MSR1: variants seen among roughly 807,000 people sequenced by gnomAD.
MSR1 encodes macrophage scavenger receptor 1.
MSR1 carries 53 observed loss-of-function variants against 47.2 expected under a neutral mutation model. The ratio of observed to expected loss-of-function variants is 1.12; its 90% CI spans 0.90 to 1.41. The LOEUF (loss-of-function observed/expected upper bound fraction) is 1.41. MSR1 is among the 40% of genes most tolerant of loss of function. The probability of loss-of-function intolerance (pLI) is 0.00; values close to 1 mark genes in which losing one functional copy is unlikely to be tolerated. For missense variants in MSR1, 786 were observed against 546.9 expected (o/e 1.44, Z -4.36); for synonymous variants, 239 against 185.6 (o/e 1.29, Z -2.34).
At chr8:16,177,518 C>T (rs549654309) in intron 2 of MSR1, among the ~76,000 whole-genome samples, 36 of 151,820 alleles carry the variant, frequency 2.4e-4, no homozygotes, top group African/African-American at 7.7e-4. Context: ...GAACTGTGAG[C>T]GAATACATTT....
Position 16,120,424 on chromosome 8 carries a change from C to G in MSR1, c.1216G>C (p.Gly406Arg), listed in dbSNP as rs749784576. ...VQAVHKAAHF[G>R]QGTGPIWLNE... Reference sequence around the variant, plus strand: ...AAGATTTTCTTTAAATTACCTTGTCCAAAGTGAGCTGCCTTGTGCACGGCT... The same window carrying G: ...AAGATTTTCTTTAAATTACCTTGTCGAAAGTGAGCTGCCTTGTGCACGGCT... Residue 406 changes from glycine to arginine, a missense_variant, in exon 9 of 10, where the codon GGA (glycine) becomes CGA (arginine). Gly to Arg is a moderately radical substitution (Grantham distance 125). Transcript: ENST00000262101. The G allele has an allele frequency of 6.2e-7, 1 of 1,613,528 alleles. No individual in the cohort carries two copies. Among genetic ancestry groups the G allele is most frequent in the Non-Finnish European group, 8.5e-7 (1 of 1,179,790 alleles).
chr8:16,107,902 G>A lies in MSR1; in HGVS notation c.*2183C>T, dbSNP rs566910898. On this transcript the variant is annotated 3_prime_UTR_variant, in exon 10 of 10. Transcript: ENST00000262101. Reference sequence around the variant, plus strand: ...ATCGCAAATTTCTGTTTTTTTTAATGGAACAAATGCAATTCAACATTCCAA... The same window carrying A: ...ATCGCAAATTTCTGTTTTTTTTAATAGAACAAATGCAATTCAACATTCCAA... The A allele has an allele frequency of 2.0e-5, 3 of 150,814 alleles. No homozygotes were observed. Among genetic ancestry groups the A allele is most frequent in the Non-Finnish European group, 4.4e-5 (3 of 67,666 alleles). The allele number at this position is 150,814 out of a possible 1,614,324, so 9.3% of individuals were successfully genotyped here. A position where few individuals can be genotyped will look rare whatever the true frequency, so the allele number is the denominator to read the frequency against.
At chr8:16,181,999 G>A (rs764706676) in intron 1 of MSR1, among the ~76,000 whole-genome samples, 35 of 152,104 alleles carry the variant, frequency 2.3e-4, no homozygotes, top group Non-Finnish European at 2.9e-5. Flanking sequence ...TTTCATGGCT[G>A]TGTGAACATC....
intron 8 of MSR1, among the ~76,000 whole-genome samples, chr8:16,138,464 G>A (rs1471471699): frequency 1.3e-5 from 2 of 152,142 alleles, no homozygotes; most frequent in African/African-American, 2.4e-5. Context: ...TTTGAACAGG[G>A]CATTCAGCAT....
intron 8 of MSR1, among the ~76,000 whole-genome samples, chr8:16,127,805 C>A (rs561624363): frequency 7.9e-5 from 12 of 152,226 alleles, no homozygotes; most frequent in African/African-American, 2.9e-4. Flanking sequence ...CCAATAGACT[C>A]TATTTTGTGA....
At chr8:16,179,426 C>G (rs1162683443) in intron 1 of MSR1, among the ~76,000 whole-genome samples, 2 of 152,150 alleles carry the variant, frequency 1.3e-5, no homozygotes, top group East Asian at 1.9e-4. Flanking sequence ...AAACAGTTCT[C>G]AGAAATGATG....
intron 1 of MSR1, chr8:16,186,121 A>C: frequency 6.7e-7 from 1 of 1,489,056 alleles, no homozygotes; most frequent in Non-Finnish European, 9.0e-7. Flanking sequence ...TAAAAATGAA[A>C]GTCCCTGAGT....
chr8:16,178,445 T>C (rs1801726149), intron 1 of MSR1, among the ~76,000 whole-genome samples: 1 of 152,200 alleles, frequency 6.6e-6, no homozygotes, highest in Non-Finnish European at 1.5e-5. Flanking sequence ...CATCCTTTTT[T>C]GTGGCTGCAT....
At chr8:16,190,672 C>T (rs1448590434) in intron 1 of MSR1, among the ~76,000 whole-genome samples, 1 of 151,750 alleles carries the variant, frequency 6.6e-6, no homozygotes, top group Non-Finnish European at 1.5e-5. Flanking sequence ...ATTCGTTTTC[C>T]TAAGATTTTT....
intron 7 of MSR1, among the ~76,000 whole-genome samples, chr8:16,149,227 T>C (rs1800779741): frequency 6.6e-6 from 1 of 152,150 alleles, no homozygotes; most frequent in Admixed American, 6.6e-5. Flanking sequence ...GTTACATATA[T>C]ACCACACTAA....
In MSR1 at chr8:16,191,544, C is replaced by T. The variant is rs1328105301; in HGVS notation, c.-5+1054G>A. On this transcript the variant is annotated intron_variant, in intron 1 of 9. Transcript: ENST00000262101. Reference sequence around the variant, plus strand: ...ACTTTTTTTTTAAATATGAGCTTTTCTTATTTTGTTCTCACGGAATCTTCA... The same window carrying T: ...ACTTTTTTTTTAAATATGAGCTTTTTTTATTTTGTTCTCACGGAATCTTCA... Among the ~76,000 whole-genome samples the T allele has an allele frequency of 4.6e-5, 7 of 151,522 alleles. No homozygotes were observed. The East Asian group carries it at 1.4e-3, about 29-fold the overall frequency.
At chr8:16,125,868 G>A (rs997632773) in intron 8 of MSR1, among the ~76,000 whole-genome samples, 3 of 152,170 alleles carry the variant, frequency 2.0e-5, no homozygotes, top group African/African-American at 7.2e-5. Context: ...CTGGGCTCAA[G>A]TGATCCTCCT....
At chr8:16,179,066 C>T (rs940410477) in intron 1 of MSR1, among the ~76,000 whole-genome samples, 1 of 152,062 alleles carries the variant, frequency 6.6e-6, no homozygotes, top group African/African-American at 2.4e-5. Context: ...TTTCTATTTA[C>T]AAACATGTAT....
At chr8:16,162,773 C>G (rs557668775) in intron 5 of MSR1, among the ~76,000 whole-genome samples, 2 of 151,878 alleles carry the variant, frequency 1.3e-5, no homozygotes, top group African/African-American at 4.8e-5. Context: ...TGACAAGTTT[C>G]TTGCAGGAGG....
chr8:16,139,103 T>G (rs1454182980), intron 8 of MSR1, among the ~76,000 whole-genome samples: 1 of 152,184 alleles, frequency 6.6e-6, no homozygotes, highest in Admixed American at 6.5e-5. Context: ...TCAGACAAAC[T>G]CATTGATTTG....
intron 9 of MSR1, among the ~76,000 whole-genome samples, chr8:16,111,929 C>G (rs1432983999): frequency 2.6e-5 from 4 of 152,006 alleles, no homozygotes; most frequent in African/African-American, 9.7e-5. Flanking sequence ...TTACTGCAAC[C>G]TCCTTCATTA....
intron 7 of MSR1, among the ~76,000 whole-genome samples, chr8:16,144,615 G>A (rs968196397): frequency 6.6e-6 from 1 of 152,018 alleles, no homozygotes; most frequent in African/African-American, 2.4e-5. Flanking sequence ...TACTTACTGG[G>A]TATGTGACTT....
intron 1 of MSR1, among the ~76,000 whole-genome samples, chr8:16,187,287 T>C (rs892346130): frequency 7.5e-6 from 1 of 133,674 alleles, no homozygotes; most frequent in African/African-American, 2.9e-5. Context: ...TGCTTGAACC[T>C]GGGAAACAGA....
chr8:16,181,544 C>A (rs2117221034), intron 1 of MSR1, among the ~76,000 whole-genome samples: 1 of 152,134 alleles, frequency 6.6e-6, no homozygotes, highest in East Asian at 1.9e-4. Flanking sequence ...CAAACTAACA[C>A]AGGAACGGAA....
Sources: gnomAD v4.1 joint callset for allele counts (sites outside exome capture counted in the v4.1 genomes callset) on GRCh38, gnomAD v4.1.1 for gene constraint, MANE v1.5 for transcripts, NCBI Gene and HGNC (gene_info 2026-07-23, HGNC 2026-07-21) for gene names.